FRMD4A: variants seen among roughly 807,000 people sequenced by gnomAD.
FRMD4A encodes FERM domain containing 4A, also known as FERM domain-containing protein 4A.
A neutral mutation model predicts 129.1 loss-of-function variants in FRMD4A; 29 were observed. That is an observed-to-expected ratio of 0.22 (90% CI 0.17 to 0.31). The LOEUF is 0.31. FRMD4A is among the 10% of genes least tolerant of loss of function. FRMD4A has a pLI of 1.00. For synonymous variants in FRMD4A, 634 were observed against 571.6 expected (o/e 1.11, Z -1.56); for missense variants, 1,272 against 1,375.8 (o/e 0.92, Z 1.19).
chr10:13,765,273 C>T (rs1266656334), intron 6 of FRMD4A, among the ~76,000 whole-genome samples: 1 of 151,892 alleles, frequency 6.6e-6, no homozygotes, highest in African/African-American at 2.4e-5. Flanking sequence ...CACCACCACG[C>T]CTGGCTAATT....
At chr10:14,004,137 T>C (rs1156597444) in intron 2 of FRMD4A, among the ~76,000 whole-genome samples, 1 of 152,238 alleles carries the variant, frequency 6.6e-6, no homozygotes, top group East Asian at 1.9e-4. Context: ...AGAAAAGTTA[T>C]CACCACGACA....
chr10:13,799,048 G>T (rs1047017397), intron 4 of FRMD4A, among the ~76,000 whole-genome samples: 3 of 152,134 alleles, frequency 2.0e-5, no homozygotes, highest in African/African-American at 7.2e-5. Flanking sequence ...GGGATGGGGG[G>T]GTCCTCCTCC....
In FRMD4A at chr10:13,681,740, C is replaced by T. The variant is rs150402059; in HGVS notation, c.1118-6696G>A. On this transcript the variant is annotated intron_variant, in intron 15 of 24. Transcript: ENST00000357447. ...GGCTGGGTGTGTGTTCCAGCACTGC[C>T]GTTTACCAGCTGTGGGGACTTGGGA... 1.2e-3 allele frequency among the ~76,000 whole-genome samples: 190 copies of T among 152,216 alleles called. 1 individual carries two copies. Among genetic ancestry groups the T allele is most frequent in the African/African-American group, 3.8e-3 (158 of 41,528 alleles).
chr10:14,087,889 G>GTAA (rs1836386187), intron 2 of FRMD4A, among the ~76,000 whole-genome samples: 1 of 152,186 alleles, frequency 6.6e-6, no homozygotes, highest in African/African-American at 2.4e-5. Flanking sequence ...AAAGGAGACT[G>GTAA]AGAGGATTGC....
intron 2 of FRMD4A, among the ~76,000 whole-genome samples, chr10:14,178,669 A>G (rs1841812956): frequency 6.6e-6 from 1 of 152,164 alleles, no homozygotes; most frequent in Non-Finnish European, 1.5e-5. Flanking sequence ...ACATTGATCA[A>G]TGTTACCAAA....
intron 2 of FRMD4A, among the ~76,000 whole-genome samples, chr10:13,982,475 G>A (rs1332942340): frequency 7.1e-6 from 1 of 141,540 alleles, no homozygotes; most frequent in East Asian, 2.1e-4. Flanking sequence ...GAAGGGGAGG[G>A]GAGGGGAGGG....
chr10:13,724,248 C>T (rs185441351), intron 12 of FRMD4A, among the ~76,000 whole-genome samples: 13 of 152,110 alleles, frequency 8.5e-5, no homozygotes, highest in East Asian at 1.9e-4. Flanking sequence ...ATTAGCTGGG[C>T]GTGGTGGCGG....
chr10:13,987,086 G>A (rs566425918), intron 2 of FRMD4A, among the ~76,000 whole-genome samples: 1 of 152,258 alleles, frequency 6.6e-6, no homozygotes, highest in African/African-American at 2.4e-5. Context: ...ATAGATCTAG[G>A]CTCGTAGCTC....
rs200093883 is a variant in FRMD4A, at chr10:13,884,240, A to ACACCCC, written c.46-25329_46-25328insGGGGTG. The stretch of plus-strand genomic sequence containing the variant: ...CACACACACACACACACACACACAC[A>ACACCCC]CTCCCTAAAAGGCATCCTGTATATT... On this transcript the variant is annotated intron_variant, in intron 2 of 24. Transcript: ENST00000357447. Among the ~76,000 whole-genome samples the ACACCCC allele has an allele frequency of 2.7e-3, 366 of 135,270 alleles. 2 individuals carry two copies. The highest frequency in any genetic ancestry group is 9.5e-3 in the African/African-American group (348 of 36,496). 88.7% of individuals were successfully genotyped at this position (135,270 alleles called of 152,430 possible). A position where few individuals can be genotyped will look rare whatever the true frequency, so the allele number is the denominator to read the frequency against.
At chr10:13,959,014 C>T (rs972751355) in intron 2 of FRMD4A, among the ~76,000 whole-genome samples, 2 of 152,206 alleles carry the variant, frequency 1.3e-5, no homozygotes, top group Non-Finnish European at 2.9e-5. Context: ...TTCCCCAGCA[C>T]TCTGAGTATT....
At chr10:13,740,159 A>T (rs761966478) in intron 11 of FRMD4A, 35 bp downstream of exon 11, 1 of 1,190,078 alleles carries the variant, frequency 8.4e-7, no homozygotes, top group South Asian at 1.2e-5. Context: ...TGCTTAGGGG[A>T]GGTTTGGTAA....
rs147380304 is a variant in FRMD4A, at chr10:13,989,391, C to T, written c.46-130479G>A. On this transcript the variant is annotated intron_variant, in intron 2 of 24. Transcript: ENST00000357447. ...CTTTTTTTTGAGACGGCGCCTCGCT[C>T]TGTCGCCAGGCTGGAGTGTAGTGGC... 7.2e-5 allele frequency among the ~76,000 whole-genome samples: 11 copies of T among 152,230 alleles called. No homozygotes were observed. In the East Asian group the frequency reaches 1.9e-3, roughly 27 times the overall value.
intron 3 of FRMD4A, among the ~76,000 whole-genome samples, chr10:13,841,586 G>T (rs1252834281): frequency 6.6e-6 from 1 of 152,224 alleles, no homozygotes; most frequent in Admixed American, 6.5e-5. Flanking sequence ...CTGAGACTCA[G>T]TGGAGCCTTC....
chr10:14,302,808 C>A (rs773491946), intron 2 of FRMD4A, among the ~76,000 whole-genome samples: 12 of 152,184 alleles, frequency 7.9e-5, no homozygotes, highest in Non-Finnish European at 1.6e-4. Context: ...TGCTGATGGT[C>A]AGGTGGTCAC....
In FRMD4A at chr10:13,714,035, T is replaced by TATATATAATATATATAATATATA. The variant is rs2088469712; in HGVS notation, c.760-6923_760-6922insTATATATTATATATATTATATAT. Among the ~76,000 whole-genome samples the TATATATAATATATATAATATATA allele has an allele frequency of 4.3e-5, 2 of 46,554 alleles. 1 individual carries two copies. The highest frequency in any genetic ancestry group is 7.9e-4 in the Admixed American group (2 of 2,542). 30.5% of individuals were successfully genotyped at this position (46,554 alleles called of 152,430 possible). A position where few individuals can be genotyped will look rare whatever the true frequency, so the allele number is the denominator to read the frequency against. On this transcript the variant is annotated intron_variant, in intron 12 of 24. Coordinates refer to ENST00000357447, the MANE Select transcript of FRMD4A (RefSeq NM_018027.5). Reference sequence around the variant, plus strand: ...TACATATATAAAATATACATATATATATATATATATATATATATATATATA... The same window carrying TATATATAATATATATAATATATA: ...TACATATATAAAATATACATATATATATATATAATATATATAATATATAATATATATATATATATATATATATA...
intron 2 of FRMD4A, among the ~76,000 whole-genome samples, chr10:13,977,026 C>T (rs1397234896): frequency 1.3e-5 from 2 of 152,162 alleles, no homozygotes; most frequent in Non-Finnish European, 2.9e-5. Context: ...ACGCCTTAGC[C>T]TAAGTCACAT....
At chr10:13,686,161 C>G (rs1399336340) in intron 15 of FRMD4A, among the ~76,000 whole-genome samples, 6 of 152,226 alleles carry the variant, frequency 3.9e-5, no homozygotes, top group Admixed American at 6.5e-5. Flanking sequence ...ATTAAGGCCC[C>G]TGGAATCCTG....
intron 22 of FRMD4A, chr10:13,655,678 C>G (rs183902865): frequency 6.6e-6 from 1 of 152,170 alleles, no homozygotes; most frequent in Non-Finnish European, 1.5e-5. Flanking sequence ...AGATGAACCC[C>G]CCATTATCTC....
At chr10:14,155,311 T>C (rs1840540894) in intron 2 of FRMD4A, among the ~76,000 whole-genome samples, 1 of 152,142 alleles carries the variant, frequency 6.6e-6, no homozygotes, top group Non-Finnish European at 1.5e-5. Context: ...AATACATGAA[T>C]AGATTCTTGT....
Sources: allele counts gnomAD v4.1 joint callset (sites outside exome capture counted in the v4.1 genomes callset), GRCh38; gene constraint gnomAD v4.1.1; transcripts MANE v1.5; gene names NCBI Gene and HGNC (gene_info 2026-07-23, HGNC 2026-07-21).